The following MDGA2 variants were observed in gnomAD, a reference collection of about 807,000 sequenced individuals.
The protein encoded by MDGA2 is MAM domain-containing glycosylphosphatidylinositol anchor protein 2.
Under a neutral mutation model 117.8 loss-of-function variants are expected in MDGA2, and 40 were observed. That is an observed-to-expected ratio of 0.34 (90% CI 0.26 to 0.44). The LOEUF (loss-of-function observed/expected upper bound fraction) is 0.44, where lower values mean the gene tolerates loss of function less well. Ranked by LOEUF, MDGA2 falls within the 20% of genes least tolerant of loss-of-function variation. MDGA2 has a pLI of 1.00. For missense variants in MDGA2, 1,123 were observed against 1,250.6 expected, an observed-to-expected ratio of 0.90 and a Z score of 1.54; for synonymous variants, 452 against 439.0, an observed-to-expected ratio of 1.03 and a Z score of -0.37.
At chr14:47,297,990 G>T (rs986689609) in intron 2 of MDGA2, among the ~76,000 whole-genome samples, 1 of 152,040 alleles carries the variant, frequency 6.6e-6, no homozygotes, top group African/African-American at 2.4e-5. Context: ...ATTTGTATGT[G>T]TGTGTTTGTA....
chr14:47,048,239 C>A (rs73243250), intron 7 of MDGA2, among the ~76,000 whole-genome samples: 96 of 152,048 alleles, frequency 6.3e-4, no homozygotes, highest in African/African-American at 2.2e-3. Flanking sequence ...AAGGAACTGT[C>A]TGATCATGTT....
intron 5 of MDGA2, among the ~76,000 whole-genome samples, chr14:47,120,093 TACA>T (rs1472057034): frequency 2.0e-5 from 3 of 152,210 alleles, no homozygotes; most frequent in Non-Finnish European, 2.9e-5. Context: ...CCGGGAAGAC[TACA>T]GATCCTACCT....
intron 1 of MDGA2, among the ~76,000 whole-genome samples, chr14:47,398,171 C>G (rs1471459608): frequency 6.6e-6 from 1 of 152,152 alleles, no homozygotes; most frequent in African/African-American, 2.4e-5. Context: ...CTATACGGCT[C>G]TTCAATTAAC....
At chr14:47,375,412 T>G (rs1201559539) in intron 1 of MDGA2, among the ~76,000 whole-genome samples, 2 of 152,042 alleles carry the variant, frequency 1.3e-5, no homozygotes, top group African/African-American at 2.4e-5. Flanking sequence ...AAACTCAAAA[T>G]GCTTTAGCTT....
chr14:46,967,718 A>G lies in MDGA2; in HGVS notation c.1820-10075T>C, dbSNP rs373887323. On this transcript the variant is annotated intron_variant, in intron 8 of 16. Coordinates refer to ENST00000399232, the MANE Select transcript of MDGA2 (RefSeq NM_001113498.3). ...TACATTCCAAGATCCCCAGCAAATGACAGAACTTGCAGATAGTACTGAACA... is the reference window on the plus strand; with the variant it reads ...TACATTCCAAGATCCCCAGCAAATGGCAGAACTTGCAGATAGTACTGAACA... 1.4e-4 allele frequency among the ~76,000 whole-genome samples: 22 copies of G among 152,308 alleles called. No homozygotes were observed. In the South Asian group the frequency reaches 4.6e-3, roughly 32 times the overall value.
At chr14:47,626,556 G>C (rs955057063) in intron 1 of MDGA2, 1 of 152,682 alleles carries the variant, frequency 6.5e-6, no homozygotes, top group Non-Finnish European at 1.5e-5. Flanking sequence ...AGGTGCCGAC[G>C]AAGAGGCGCA....
At chr14:47,548,078 T>C (rs1895498540) in intron 1 of MDGA2, among the ~76,000 whole-genome samples, 1 of 152,212 alleles carries the variant, frequency 6.6e-6, no homozygotes, top group South Asian at 2.1e-4. Context: ...ATAAAAAAGT[T>C]ACAAACTAAA....
chr14:47,152,210 T>C (rs1419307272), intron 3 of MDGA2, among the ~76,000 whole-genome samples: 4 of 152,324 alleles, frequency 2.6e-5, no homozygotes, highest in South Asian at 4.1e-4. Context: ...TTTGATGTAA[T>C]GGTAAGAGAA....
intron 1 of MDGA2, among the ~76,000 whole-genome samples, chr14:47,669,671 G>A (rs954999188): frequency 6.6e-6 from 1 of 152,154 alleles, no homozygotes; most frequent in African/African-American, 2.4e-5. Flanking sequence ...GTGCATGAGT[G>A]TGTAGGGACA....
chr14:47,225,735 C>G (rs113251734), intron 2 of MDGA2, among the ~76,000 whole-genome samples: 14 of 151,790 alleles, frequency 9.2e-5, no homozygotes, highest in Admixed American at 9.2e-4. Flanking sequence ...ATGGGTGCAG[C>G]GCACCAGCAT....
Position 47,575,142 on chromosome 14 carries a change from C to T in MDGA2, c.280+99375G>A, listed in dbSNP as rs1172252847. Among the ~76,000 whole-genome samples the T allele has an allele frequency of 3.3e-5, 5 of 152,112 alleles. No homozygotes were observed. The East Asian group carries it at 7.7e-4, about 23-fold the overall frequency. ...GTAGATAATTTCTAATCATTGTGTC[C>T]ATTTTACAAAACGCAATCAATATAT... is the stretch of plus-strand genomic sequence containing the variant. On this transcript the variant is annotated intron_variant, in intron 1 of 16. Transcript: ENST00000399232.
intron 1 of MDGA2, among the ~76,000 whole-genome samples, chr14:47,393,189 G>C (rs1231580985): frequency 6.6e-6 from 1 of 151,532 alleles, no homozygotes; most frequent in Non-Finnish European, 1.5e-5. Flanking sequence ...TGACAGGCTT[G>C]AGAAATTAAA....
intron 8 of MDGA2, among the ~76,000 whole-genome samples, chr14:47,023,716 G>A (rs1888375117): frequency 6.6e-6 from 1 of 152,076 alleles, no homozygotes. Context: ...ATAATTAAAA[G>A]GAATTACTAT....
intron 9 of MDGA2, among the ~76,000 whole-genome samples, chr14:46,922,565 T>G (rs1884174539): frequency 1.3e-5 from 2 of 152,136 alleles, no homozygotes; most frequent in South Asian, 4.1e-4. Flanking sequence ...AAGAATAAGG[T>G]CTTTCCAAAT....
chr14:46,958,273 T>C (rs563155808), intron 8 of MDGA2, among the ~76,000 whole-genome samples: 1 of 151,962 alleles, frequency 6.6e-6, no homozygotes, highest in African/African-American at 2.4e-5. Context: ...AATGGGTACA[T>C]ACAAAGGTAC....
At chr14:47,348,400 T>C (rs978741929) in intron 1 of MDGA2, among the ~76,000 whole-genome samples, 2 of 151,856 alleles carry the variant, frequency 1.3e-5, no homozygotes, top group African/African-American at 2.4e-5. Flanking sequence ...TTAGTAGAGA[T>C]GGGATTTCAC....
At chr14:47,159,031 T>C (rs989200107) in intron 3 of MDGA2, among the ~76,000 whole-genome samples, 6 of 152,062 alleles carry the variant, frequency 3.9e-5, no homozygotes, top group Non-Finnish European at 7.4e-5. Flanking sequence ...TTGCCAAACA[T>C]TTGTAGGGAA....
At chr14:47,661,746 CTT>C (rs1172717995) in intron 1 of MDGA2, among the ~76,000 whole-genome samples, 48 of 97,204 alleles carry the variant, frequency 4.9e-4, no homozygotes, top group African/African-American at 1.7e-3. Context: ...ATCAGAGTTT[CTT>C]TTTTTTTTTT....
intron 5 of MDGA2, among the ~76,000 whole-genome samples, chr14:47,115,697 T>C (rs1174752988): frequency 6.6e-6 from 1 of 152,040 alleles, no homozygotes; most frequent in Non-Finnish European, 1.5e-5. Flanking sequence ...CATGATTATC[T>C]TCATAGATGT....
Sources: gnomAD v4.1 joint callset for allele counts (sites outside exome capture counted in the v4.1 genomes callset) on GRCh38, gnomAD v4.1.1 for gene constraint, MANE v1.5 for transcripts, NCBI Gene and HGNC (gene_info 2026-07-23, HGNC 2026-07-21) for gene names.